Variants in TULP4 observed in about 807,000 individuals in gnomAD.
The protein encoded by TULP4 is TUB like protein 4.
A neutral mutation model predicts 129.0 loss-of-function variants in TULP4; 16 were observed. That is an observed-to-expected ratio of 0.12 (90% CI 0.08 to 0.19). The LOEUF (loss-of-function observed/expected upper bound fraction) is 0.19. Among genes scored for constraint, TULP4 ranks in the 10% least tolerant of loss-of-function variants. The pLI, the probability that TULP4 is intolerant of heterozygous loss-of-function variation, is 1.00. For synonymous variants in TULP4, 998 were observed against 854.0 expected (o/e 1.17, Z -2.94); for missense variants, 1,842 against 2,059.1 (o/e 0.89, Z 2.04).
chr6:158,400,552 T>A (rs752506553), intron 1 of TULP4, among the ~76,000 whole-genome samples: 1 of 152,194 alleles, frequency 6.6e-6, no homozygotes, highest in Non-Finnish European at 1.5e-5. Context: ...TTGTCAGATC[T>A]GATCAGATCA....
Position 158,449,193 on chromosome 6 carries a change from CT to C in TULP4, c.724+20del. On this transcript the variant is annotated intron_variant, in intron 4 of 13. Coordinates refer to ENST00000367097, the MANE Select transcript of TULP4 (RefSeq NM_020245.5). ...CTCCCCAAGGTACTCATTGGCCCTACTTTCCTTGTCACTGACCAGAAGGACA... is the reference window on the plus strand; with the variant it reads ...CTCCCCAAGGTACTCATTGGCCCTACTTCCTTGTCACTGACCAGAAGGACA... 1 of 1,601,586 alleles carries C rather than the reference CT, an allele frequency of 6.2e-7. No homozygotes were observed. The highest frequency in any genetic ancestry group is 1.1e-5 in the South Asian group (1 of 88,890).
At chr6:158,447,703 G>T (rs750813898) in intron 3 of TULP4, among the ~76,000 whole-genome samples, 1 of 152,142 alleles carries the variant, frequency 6.6e-6, no homozygotes, top group East Asian at 1.9e-4. Flanking sequence ...CAAGCAAAAA[G>T]AAGCAAAAAT....
intron 1 of TULP4, among the ~76,000 whole-genome samples, chr6:158,253,366 T>C (rs984420668): frequency 1.2e-4 from 18 of 152,090 alleles, no homozygotes; most frequent in Admixed American, 2.6e-4. Context: ...TTCAGATAGG[T>C]TTGAAAATCT....
intron 1 of TULP4, among the ~76,000 whole-genome samples, chr6:158,257,971 C>T (rs925531647): frequency 6.6e-6 from 1 of 152,136 alleles, no homozygotes; most frequent in Non-Finnish European, 1.5e-5. Context: ...AGCCCTGCCA[C>T]GGGAGCAGGT....
At chr6:158,311,906 T>A (rs1779363306), upstream of TULP4, 4 of 387,852 alleles carry the variant, frequency 1.0e-5, no homozygotes, top group South Asian at 1.4e-4. Flanking sequence ...CTATTGGATT[T>A]TACCATTCAG....
chr6:158,395,581 A>T (rs559759961), intron 1 of TULP4, among the ~76,000 whole-genome samples: 12 of 126,984 alleles, frequency 9.5e-5, no homozygotes, highest in African/African-American at 3.7e-4. Context: ...AACTCTGTCT[A>T]AAAAAAAAAA....
Position 158,508,557 on chromosome 6 carries a change from A to T in TULP4, c.*1863A>T, listed in dbSNP as rs9457379. 6.6e-6 allele frequency: 1 copy of T among 152,600 alleles called. No homozygotes were observed. Among genetic ancestry groups the T allele is most frequent in the Non-Finnish European group, 1.5e-5 (1 of 68,040 alleles). 9.5% of individuals were successfully genotyped at this position (152,600 alleles called of 1,614,324 possible). On this transcript the variant is annotated 3_prime_UTR_variant, in exon 14 of 14. Transcript: ENST00000367097. ...TGGACCTGATATTTTTAGTGGGTGC[A>T]TTCTTCCAGAAAGAATTCAGCAATG...
rs771036231 is a variant in TULP4 at position 158,502,400 on chromosome 6, A to G, written c.2737A>G (p.Thr913Ala). 6.2e-7 allele frequency: 1 copy of G among 1,613,436 alleles called. No individual in the cohort carries two copies. The highest frequency in any genetic ancestry group is 1.1e-5 in the South Asian group (1 of 91,036). ...PRTRMLCSQN[T>A]YTLPGPGSSA... Reference sequence around the variant, plus strand: ...CACCCGGATGCTGTGCTCCCAGAACACGTACACCCTCCCCGGCCCGGGTAG... The same window carrying G: ...CACCCGGATGCTGTGCTCCCAGAACGCGTACACCCTCCCCGGCCCGGGTAG... Residue 913 changes from threonine (T) to alanine (A), a missense_variant, in exon 13 of 14, where the codon ACG (threonine) becomes GCG (alanine). By Grantham distance (58) the Thr-to-Ala change is moderately conservative. Coordinates refer to ENST00000367097, the MANE Select transcript of TULP4 (RefSeq NM_020245.5).
At chr6:158,409,860 C>CT (rs544809072) in intron 1 of TULP4, among the ~76,000 whole-genome samples, 100 of 145,588 alleles carry the variant, frequency 6.9e-4, no homozygotes, top group East Asian at 4.0e-3. Flanking sequence ...GATTAAGAAT[C>CT]TTTTTTTTTT....
chr6:158,283,316 A>C lies in TULP4; in HGVS notation n.116+938A>C, dbSNP rs530562560. Among the ~76,000 whole-genome samples, 6 of 152,338 alleles carry C rather than the reference A, an allele frequency of 3.9e-5. No individual in the cohort carries two copies. The East Asian group carries it at 1.2e-3, about 29-fold the overall frequency. On this transcript the variant is annotated intron_variant and non_coding_transcript_variant, in intron 1 of 1. Transcript: ENST00000432358. ...AAGAAAATCATTTTTAGAAATTTTG[A>C]AACACTATGTCTAGCTACATTCAAT...
At chr6:158,441,981 G>T (rs568173075) in intron 3 of TULP4, among the ~76,000 whole-genome samples, 6 of 152,258 alleles carry the variant, frequency 3.9e-5, no homozygotes, top group African/African-American at 7.2e-5. Context: ...GAGCCTAATC[G>T]CGTTGACAGC....
chr6:158,370,457 CAAAAAAAAAAAAAA>C (rs533005080), intron 1 of TULP4, among the ~76,000 whole-genome samples: 1 of 28,896 alleles, frequency 3.5e-5, no homozygotes. Flanking sequence ...AACTCCATCT[CAAAAAAAAAAAAAA>C]AAAAAAAAAA....
At chr6:158,384,802 G>A (rs1278691318) in intron 1 of TULP4, among the ~76,000 whole-genome samples, 2 of 152,186 alleles carry the variant, frequency 1.3e-5, no homozygotes, top group African/African-American at 4.8e-5. Context: ...GACTCTAGGA[G>A]CAAGATATTC....
At chr6:158,260,566 ACT>A (rs1240745581) in intron 1 of TULP4, among the ~76,000 whole-genome samples, 53 of 137,072 alleles carry the variant, frequency 3.9e-4, no homozygotes, top group African/African-American at 1.2e-3. Flanking sequence ...ACAGAGCGAG[ACT>A]CTGTCTCAAA....
chr6:158,272,293 T>C (rs2128462330), intron 1 of TULP4, among the ~76,000 whole-genome samples: 1 of 152,358 alleles, frequency 6.6e-6, no homozygotes, highest in South Asian at 2.1e-4. Context: ...TATATTTTCT[T>C]TCTTCCTCCC....
intron 1 of TULP4, among the ~76,000 whole-genome samples, chr6:158,341,492 G>T (rs1297653144): frequency 6.6e-6 from 1 of 152,130 alleles, no homozygotes; most frequent in Non-Finnish European, 1.5e-5. Context: ...TCTATTTTTA[G>T]TTTTATGAAG....
intron 11 of TULP4, among the ~76,000 whole-genome samples, chr6:158,496,883 T>C (rs138965837): frequency 3.7e-4 from 57 of 152,324 alleles, no homozygotes; most frequent in African/African-American, 1.3e-3. Context: ...GGCCTGGCTC[T>C]GTCACCCATG....
intron 6 of TULP4, among the ~76,000 whole-genome samples, chr6:158,475,360 C>G (rs1365244188): frequency 1.3e-5 from 2 of 152,274 alleles, no homozygotes; most frequent in Non-Finnish European, 2.9e-5. Flanking sequence ...AGCTCAGTTT[C>G]TTGCACTTTT....
chr6:158,423,396 T>C (rs964336494), intron 2 of TULP4, among the ~76,000 whole-genome samples: 4 of 152,156 alleles, frequency 2.6e-5, no homozygotes, highest in Non-Finnish European at 5.9e-5. Context: ...GTATAGCAAA[T>C]AACAATGTAG....
Sources: gnomAD v4.1 joint callset for allele counts (sites outside exome capture counted in the v4.1 genomes callset) on GRCh38, gnomAD v4.1.1 for gene constraint, MANE v1.5 for transcripts, NCBI Gene and HGNC (gene_info 2026-07-23, HGNC 2026-07-21) for gene names.